Variants in NYAP2 observed in about 807,000 individuals in gnomAD.
NYAP2 encodes the protein neuronal tyrosine-phosphorylated phosphoinositide-3-kinase adapter 2.
NYAP2 carries 23 observed loss-of-function variants against 50.4 expected under a neutral mutation model. The ratio of observed to expected loss-of-function variants is 0.46; its 90% CI spans 0.33 to 0.65. The LOEUF (loss-of-function observed/expected upper bound fraction) is 0.65. NYAP2 is among the 30% of genes least tolerant of loss of function. NYAP2 has a pLI of 0.02. For missense variants in NYAP2, 885 were observed against 861.0 expected (o/e 1.03, Z -0.35); for synonymous variants, 394 against 365.2 (o/e 1.08, Z -0.90).
chr2:225,630,220 A>C (rs941147791), intron 6 of NYAP2, among the ~76,000 whole-genome samples: 1 of 152,214 alleles, frequency 6.6e-6, no homozygotes, highest in Non-Finnish European at 1.5e-5. Context: ...CTTGTTATTA[A>C]TTAGAAAGCC....
the NYAP2 span, among the ~76,000 whole-genome samples, chr2:225,669,088 C>A: frequency 6.7e-6 from 1 of 148,306 alleles, no homozygotes; most frequent in African/African-American, 2.5e-5. Context: ...TAATGAATGT[C>A]TGACTCATAT....
rs964046924 is a variant in NYAP2 at position 225,545,853 on chromosome 2, T to G, written c.523+32181T>G. Among the ~76,000 whole-genome samples the G allele has an allele frequency of 5.9e-5, 9 of 152,266 alleles. No individual in the cohort carries two copies. In the East Asian group the frequency reaches 1.7e-3, roughly 29 times the overall value. On this transcript the variant is annotated intron_variant, in intron 4 of 6. Coordinates refer to ENST00000636099, the Ensembl canonical transcript of NYAP2. Reference sequence around the variant, plus strand: ...CTTATTGGAAAGACTTTCTAGGTATTTGAAGGGATTTGGACATTGTTATCT... The same window carrying G: ...CTTATTGGAAAGACTTTCTAGGTATGTGAAGGGATTTGGACATTGTTATCT...
rs559154681 is a variant in NYAP2, at chr2:225,637,967, G to T, written c.1828+10841G>T. On this transcript the variant is annotated intron_variant, in intron 6 of 6. Coordinates refer to ENST00000636099, the Ensembl canonical transcript of NYAP2. Reference sequence around the variant, plus strand: ...AAGCTTGACTGCAGAAGCAGAGCTTGCAAAGGAGTTGATCGAAATGAATAT... The same window carrying T: ...AAGCTTGACTGCAGAAGCAGAGCTTTCAAAGGAGTTGATCGAAATGAATAT... Among the ~76,000 whole-genome samples, 11 of 152,304 alleles carry T rather than the reference G, an allele frequency of 7.2e-5. No homozygotes were observed. The South Asian group carries it at 2.3e-3, about 32-fold the overall frequency.
intron 3 of NYAP2, among the ~76,000 whole-genome samples, chr2:225,474,419 A>G: frequency 6.6e-6 from 1 of 152,192 alleles, no homozygotes; most frequent in Non-Finnish European, 1.5e-5. Flanking sequence ...CATTTTCACA[A>G]TATTGATTCT....
At chr2:225,524,973 A>G (rs1335627345) in intron 4 of NYAP2, among the ~76,000 whole-genome samples, 1 of 152,200 alleles carries the variant, frequency 6.6e-6, no homozygotes, top group Non-Finnish European at 1.5e-5. Flanking sequence ...GCCAATAAAC[A>G]TATGAAAAAA....
intron 3 of NYAP2, among the ~76,000 whole-genome samples, chr2:225,491,889 A>G (rs1458391123): frequency 6.6e-6 from 1 of 152,230 alleles, no homozygotes; most frequent in Non-Finnish European, 1.5e-5. Context: ...TATTTTCGTT[A>G]TGCATTAGCT....
At chr2:225,649,181 T>G (rs1693689434) in intron 6 of NYAP2, among the ~76,000 whole-genome samples, 2 of 152,214 alleles carry the variant, frequency 1.3e-5, no homozygotes, top group Admixed American at 1.3e-4. Context: ...TTTCTATGAA[T>G]TTTGCATGTA....
chr2:225,526,800 A>G (rs140153907), intron 4 of NYAP2, among the ~76,000 whole-genome samples: 3 of 152,276 alleles, frequency 2.0e-5, no homozygotes, highest in Non-Finnish European at 2.9e-5. Context: ...TTTGCATTGG[A>G]TAGTGTTCTA....
intron 6 of NYAP2, among the ~76,000 whole-genome samples, chr2:225,649,650 A>C (rs969601562): frequency 1.3e-5 from 2 of 152,234 alleles, no homozygotes; most frequent in Non-Finnish European, 2.9e-5. Flanking sequence ...GATTATAGAC[A>C]TAAGCCATTG....
intron 4 of NYAP2, among the ~76,000 whole-genome samples, chr2:225,579,022 G>T (rs1692219960): frequency 6.6e-6 from 1 of 151,928 alleles, no homozygotes; most frequent in African/African-American, 2.4e-5. Flanking sequence ...TTCTCATACG[G>T]CATGCACGTG....
In NYAP2 at chr2:225,641,144, C is replaced by A. The variant is rs1041903896; in HGVS notation, c.1829-10288C>A. ...GGGCGGTGGTTCCACCCTGTGCCCT[C>A]TCCTAGAGGAGTCCACCCTGACATT... is the stretch of plus-strand genomic sequence containing the variant. On this transcript the variant is annotated intron_variant, in intron 6 of 6. Transcript: ENST00000636099. Among the ~76,000 whole-genome samples, 19 of 152,202 alleles carry A rather than the reference C, an allele frequency of 1.2e-4. No individual in the cohort carries two copies. In the South Asian group the frequency reaches 3.9e-3, roughly 32 times the overall value.
intron 3 of NYAP2, among the ~76,000 whole-genome samples, chr2:225,410,242 C>T (rs539107463): frequency 2.6e-5 from 4 of 151,882 alleles, no homozygotes; most frequent in Admixed American, 6.6e-5. Flanking sequence ...TTTCTCTGGA[C>T]GATTAAAATG....
the NYAP2 span, among the ~76,000 whole-genome samples, chr2:225,674,435 T>C: frequency 7.3e-3 from 1,104 of 152,196 alleles, 15 homozygotes; most frequent in African/African-American, 0.025. Flanking sequence ...GTTAGTGTGT[T>C]TGGAAAAATT....
At chr2:225,513,738 C>T (rs1690876939) in intron 4 of NYAP2, 66 bp downstream of exon 4, 1 of 1,312,552 alleles carries the variant, frequency 7.6e-7, no homozygotes, top group Admixed American at 3.0e-5. Flanking sequence ...GTCAGCATGC[C>T]CAGGGGCAAG....
At chr2:225,583,980 T>G (rs1222497685) in intron 5 of NYAP2, among the ~76,000 whole-genome samples, 3 of 152,094 alleles carry the variant, frequency 2.0e-5, no homozygotes, top group African/African-American at 7.2e-5. Flanking sequence ...AGGCAGAGCT[T>G]GTAGTGAGCC....
intron 3 of NYAP2, among the ~76,000 whole-genome samples, chr2:225,446,240 CTCTCTCTATATA>C (rs1178099016): frequency 6.9e-4 from 75 of 108,320 alleles, no homozygotes; most frequent in African/African-American, 2.5e-3. Flanking sequence ...CTCTCTCTCT[CTCTCTCTATATA>C]TATATATATA....
chr2:225,408,973 T>C (rs2048936), exon 3 of NYAP2: 1,295,016 of 1,611,762 alleles, frequency 0.8, 523,761 homozygotes, highest in African/African-American at 0.94. Context: ...TGAAGGCCTA[T>C]GATGGCTTGG....
chr2:225,600,576 G>T (rs1305090910), intron 5 of NYAP2, among the ~76,000 whole-genome samples: 1 of 152,170 alleles, frequency 6.6e-6, no homozygotes, highest in Non-Finnish European at 1.5e-5. Context: ...CAGCTTGAAG[G>T]TGAGAAGCAA....
chr2:225,686,527 T>A, the NYAP2 span, among the ~76,000 whole-genome samples: 1 of 152,158 alleles, frequency 6.6e-6, no homozygotes, highest in African/African-American at 2.4e-5. Flanking sequence ...TAAATATGTA[T>A]GTAAGGATTA....
Sources: allele counts gnomAD v4.1 joint callset (sites outside exome capture counted in the v4.1 genomes callset), GRCh38; gene constraint gnomAD v4.1.1; transcripts MANE v1.5; gene names NCBI Gene and HGNC (gene_info 2026-07-23, HGNC 2026-07-21).